Variants in SLC4A2 observed in about 807,000 individuals in gnomAD.
SLC4A2 encodes the protein solute carrier family 4 member 2, also known as anion exchange protein 2.
In SLC4A2, 36 loss-of-function variants were observed where a neutral mutation model predicts 115.0. The ratio of observed to expected loss-of-function variants is 0.31; its 90% confidence interval spans 0.24 to 0.41. The LOEUF (loss-of-function observed/expected upper bound fraction) is 0.41, where lower values mean the gene tolerates loss of function less well. Among genes scored for constraint, SLC4A2 ranks in the 10% least tolerant of loss-of-function variants. SLC4A2 has a pLI of 1.00. For missense variants in SLC4A2, 1,252 were observed against 1,705.6 expected, an observed-to-expected ratio of 0.73 and a Z score of 4.68; for synonymous variants, 708 against 708.3, an observed-to-expected ratio of 1.00 and a Z score of 0.01.
At chr7:151,073,271 ATTTTATT>A (rs980669021) in intron 16 of SLC4A2, among the ~76,000 whole-genome samples, 8 of 150,870 alleles carry the variant, frequency 5.3e-5, no homozygotes, top group Non-Finnish European at 1.0e-4. Flanking sequence ...ATTTTATTTT[ATTTTATT>A]TTATTTTATT....
At position 151,074,817 on chromosome 7, in the gene SLC4A2, T is replaced by C. The variant is rs761317185; in HGVS notation, c.3023T>C (p.Ile1008Thr). ...LLPAILVFILIFMETQITTLI... is the reference protein window; with the variant it reads ...LLPAILVFILTFMETQITTLI... Reference sequence around the variant, plus strand: ...CCCGCCATCCTGGTCTTCATTCTCATCTTCATGGAGACACAGATCACCACG... The same window carrying C: ...CCCGCCATCCTGGTCTTCATTCTCACCTTCATGGAGACACAGATCACCACG... The change falls in exon 19 of 23, where the codon ATC (isoleucine) becomes ACC (threonine). Residue 1008 changes from isoleucine (I) to threonine (T), a missense_variant. By Grantham distance (89) the Ile-to-Thr change is moderately conservative (BLOSUM62 -1). Coordinates refer to ENST00000413384, the MANE Select transcript of SLC4A2 (RefSeq NM_003040.4). 2 of 1,611,820 alleles carry C rather than the reference T, an allele frequency of 1.2e-6. No individual in the cohort carries two copies. The highest frequency in any genetic ancestry group is 1.7e-6 in the Non-Finnish European group (2 of 1,179,196).
intron 20 of SLC4A2, 47 bp from the exon 21 acceptor site, chr7:151,075,559 G>C (rs765506222): frequency 6.3e-7 from 1 of 1,587,120 alleles, no homozygotes; most frequent in Non-Finnish European, 8.5e-7. Flanking sequence ...AGGGCTACTG[G>C]GGCCAGGGGA....
intron 5 of SLC4A2, among the ~76,000 whole-genome samples, chr7:151,065,504 A>C (rs753546659): frequency 4.6e-5 from 7 of 152,224 alleles, no homozygotes; most frequent in Non-Finnish European, 1.0e-4. Context: ...GCAAAGTGTC[A>C]GTACCAGTGG....
chr7:151,067,067 A>G, intron 7 of SLC4A2, 74 bp downstream of exon 7: 2 of 1,433,802 alleles, frequency 1.4e-6, no homozygotes, highest in Non-Finnish European at 1.9e-6. Context: ...ACCAGCTGTA[A>G]TCTCAAGCCT....
chr7:151,062,194 G>A (rs906437545), intron 2 of SLC4A2, among the ~76,000 whole-genome samples, 156 bp downstream of exon 2: 2 of 152,152 alleles, frequency 1.3e-5, no homozygotes, highest in Non-Finnish European at 2.9e-5. Flanking sequence ...CATGATGGTC[G>A]TAGGGGGGGA....
chr7:151,075,903 C>G, intron 21 of SLC4A2, 110 bp from the exon 22 acceptor site: 2 of 1,427,702 alleles, frequency 1.4e-6, no homozygotes, highest in Non-Finnish European at 9.5e-7. Context: ...TGTACCAACC[C>G]AGCTCTGGCA....
intron 1 of SLC4A2, chr7:151,061,612 T>G: frequency 3.9e-6 from 1 of 254,230 alleles, no homozygotes; most frequent in Non-Finnish European, 7.7e-6. Context: ...CCCTCATCTT[T>G]GTTGCTTTCT....
chr7:151,071,684 C>T lies in SLC4A2; in HGVS notation c.2192-5C>T, dbSNP rs1268775841. On this transcript the variant is annotated splice_polypyrimidine_tract_variant and splice_region_variant and intron_variant, in intron 14 of 22. Coordinates refer to ENST00000413384, the MANE Select transcript of SLC4A2 (RefSeq NM_003040.4). The surrounding 1 kb of genome is among the most constrained non-coding windows in gnomAD (Gnocchi z 5.5). ...CAGCTCCTGAGCTGGTTCCTACACCCCTAGGAGAGAAGACGCAGGACCTGA... is the reference window on the plus strand; with the variant it reads ...CAGCTCCTGAGCTGGTTCCTACACCTCTAGGAGAGAAGACGCAGGACCTGA... 2 of 1,610,522 alleles carry T rather than the reference C, an allele frequency of 1.2e-6. No homozygotes were observed. The highest frequency in any genetic ancestry group is 1.7e-5 in the Admixed American group (1 of 59,794).
chr7:151,064,865 T>C lies in SLC4A2; in HGVS notation c.477T>C (p.Asp159=). The C allele has an allele frequency of 1.9e-6, 3 of 1,613,986 alleles. No individual in the cohort carries two copies. Among genetic ancestry groups the C allele is most frequent in the Non-Finnish European group, 2.5e-6 (3 of 1,179,986 alleles). ...PSSVQFFLQE[D]DSADRKAERT... Reference sequence around the variant, plus strand: ...TGTTACAGTTCTTTCTCCAAGAGGATGACAGTGCTGACCGGAAGGCAGAGA... The same window carrying C: ...TGTTACAGTTCTTTCTCCAAGAGGACGACAGTGCTGACCGGAAGGCAGAGA... The change falls in exon 5 of 23, where the codon GAT becomes GAC. Residue 159 remains aspartate (D), a synonymous_variant. Transcript: ENST00000413384.
intron 1 of SLC4A2, chr7:151,061,608 T>G: frequency 1.3e-5 from 3 of 239,824 alleles, no homozygotes; most frequent in Non-Finnish European, 1.7e-5. Context: ...CCCTCCCTCA[T>G]CTTTGTTGCT....
At chr7:151,072,506 G>A (rs959116372) in intron 16 of SLC4A2, among the ~76,000 whole-genome samples, 2 of 152,068 alleles carry the variant, frequency 1.3e-5, no homozygotes, top group Non-Finnish European at 2.9e-5. Flanking sequence ...GGTGAGGCTT[G>A]TCTTGAACTC....
chr7:151,075,939 C>T, intron 21 of SLC4A2, 74 bp from the exon 22 acceptor site: 2 of 1,499,776 alleles, frequency 1.3e-6, no homozygotes, highest in Non-Finnish European at 1.8e-6. Context: ...CCATCCCCGC[C>T]TCCGAAGAAG....
At chr7:151,073,601 T>A (rs1015236218) in intron 16 of SLC4A2, among the ~76,000 whole-genome samples, 1 of 152,208 alleles carries the variant, frequency 6.6e-6, no homozygotes, top group Non-Finnish European at 1.5e-5. Flanking sequence ...ACATTATTTT[T>A]AATTTGGTTT....
chr7:151,061,080 G>C (rs918289762), intron 1 of SLC4A2: 1 of 152,214 alleles, frequency 6.6e-6, no homozygotes, highest in Non-Finnish European at 1.5e-5. Context: ...TCACAGTCAG[G>C]AGGGTGGCAG....
intron 2 of SLC4A2, chr7:151,062,794 G>C: frequency 1.0e-5 from 14 of 1,369,660 alleles, no homozygotes; most frequent in Non-Finnish European, 1.3e-5. Flanking sequence ...AGATGGACAG[G>C]AGCCTTCCTC....
intron 6 of SLC4A2, 21 bp from the exon 7 acceptor site, chr7:151,066,830 C>A (rs902307398): frequency 6.2e-7 from 1 of 1,605,984 alleles, no homozygotes. Flanking sequence ...GGAGCCCAAC[C>A]TTGGTCCTCT....
At chr7:151,063,295 C>T (rs532456099) in intron 2 of SLC4A2, 1 of 879,284 alleles carries the variant, frequency 1.1e-6, no homozygotes, top group South Asian at 1.9e-5. Context: ...TGAAGGGCAT[C>T]CATTCCGGTC....
In SLC4A2 at chr7:151,066,945, T is replaced by C. The variant is rs1206665267; in HGVS notation, c.918T>C (p.Pro306=). The change falls in exon 7 of 23, where the codon CCT becomes CCC. Residue 306 remains proline (P), a synonymous_variant. Transcript: ENST00000413384. ...STQSGREGRE[P]GPTPRARPRA... is the part of the protein sequence containing the mutation. ...AGAGTGGCCGAGAAGGGCGGGAGCC[T>C]GGCCCCACACCTCGGGCCCGACCCC... is the stretch of plus-strand genomic sequence containing the variant. 6.2e-7 allele frequency: 1 copy of C among 1,613,084 alleles called. No homozygotes were observed. The highest frequency in any genetic ancestry group is 8.5e-7 in the Non-Finnish European group (1 of 1,179,710).
rs772362382 is a variant in SLC4A2, at chr7:151,064,877, C to A, written c.489C>A (p.Asp163Glu). The change falls in exon 5 of 23, where the codon GAC (aspartate) becomes GAA (glutamate). Residue 163 changes from aspartate (D) to glutamate (E), a missense_variant. Physicochemically the swap from Asp to Glu is conservative, Grantham distance 45. This residue lies in a region of SLC4A2 where 215 missense variants were observed against 205.2 expected (regional missense o/e 1.05). Coordinates refer to ENST00000413384, the MANE Select transcript of SLC4A2 (RefSeq NM_003040.4). The part of the protein sequence containing the change: ...QFFLQEDDSA[D>E]RKAERTSPSS... ...TTCTCCAAGAGGATGACAGTGCTGA[C>A]CGGAAGGCAGAGAGGACCAGTCCAT... The A allele has an allele frequency of 1.9e-6, 3 of 1,614,006 alleles. No homozygotes were observed. The South Asian group carries it at 3.3e-5, about 18-fold the overall frequency.
Sources: allele counts gnomAD v4.1 joint callset (sites outside exome capture counted in the v4.1 genomes callset), GRCh38; gene constraint gnomAD v4.1.1; regional missense constraint gnomAD v4.1.1; non-coding constraint Gnocchi (gnomAD v3.1); transcripts MANE v1.5; gene names NCBI Gene and HGNC (gene_info 2026-07-23, HGNC 2026-07-21).